Variants in ZDHHC13 observed in about 807,000 individuals in gnomAD.
ZDHHC13 encodes the protein palmitoyltransferase ZDHHC13.
A neutral mutation model predicts 86.0 loss-of-function variants in ZDHHC13; 85 were observed. That is an observed-to-expected ratio of 0.99 (90% CI 0.83 to 1.18). The LOEUF (loss-of-function observed/expected upper bound fraction) is 1.18. ZDHHC13 is among the 50% of genes most tolerant of loss of function. The probability of loss-of-function intolerance (pLI) is 0.00; values close to 1 mark genes in which losing one functional copy is unlikely to be tolerated. For missense variants in ZDHHC13, 711 were observed against 730.2 expected, an observed-to-expected ratio of 0.97 and a Z score of 0.30; for synonymous variants, 263 against 246.4, an observed-to-expected ratio of 1.07 and a Z score of -0.63.
chr11:19,172,419 A>G (rs1850248624), intron 15 of ZDHHC13, among the ~76,000 whole-genome samples: 1 of 152,184 alleles, frequency 6.6e-6, no homozygotes, highest in Non-Finnish European at 1.5e-5. Context: ...AAATAATATG[A>G]TGAGAGTGGT....
chr11:19,144,923 C>G lies in ZDHHC13; in HGVS notation c.174-1258C>G, dbSNP rs150191891. On this transcript the variant is annotated intron_variant, in intron 2 of 16. Coordinates refer to ENST00000446113, the MANE Select transcript of ZDHHC13 (RefSeq NM_019028.3). ...CTGAGGTCAGGACTTCGAGACCAGC[C>G]TGGCTAACGTGGTGAAACCTATTAA... Among the ~76,000 whole-genome samples the G allele has an allele frequency of 6.9e-3, 1,045 of 152,176 alleles. 9 individuals are homozygous for G. The highest frequency in any genetic ancestry group is 0.024 in the African/African-American group (986 of 41,534).
Position 19,161,832 on chromosome 11 carries a change from G to T in ZDHHC13, c.1109-1471G>T, listed in dbSNP as rs151179576. Among the ~76,000 whole-genome samples the T allele has an allele frequency of 5.3e-4, 80 of 152,178 alleles. 1 individual carries two copies. The highest frequency in any genetic ancestry group is 1.9e-3 in the African/African-American group (77 of 41,538). On this transcript the variant is annotated intron_variant, in intron 10 of 16. Coordinates refer to ENST00000446113, the MANE Select transcript of ZDHHC13 (RefSeq NM_019028.3). ...CTGGTCAAGTGCAAAGGAACGAGGC[G>T]CTGTGACTAAATGCTCAGTGTGGCT...
At chr11:19,173,967 T>G (rs1451337603) in intron 16 of ZDHHC13, among the ~76,000 whole-genome samples, 2 of 152,150 alleles carry the variant, frequency 1.3e-5, no homozygotes, top group East Asian at 3.9e-4. Context: ...AGGGAAAACC[T>G]GAGTCCCGCC....
chr11:19,163,366 T>C lies in ZDHHC13; in HGVS notation c.1172T>C (p.Phe391Ser), dbSNP rs745395603. Residue 391 changes from phenylalanine to serine, a missense_variant, in exon 11 of 17, where the codon TTC becomes TCC. Coordinates refer to ENST00000446113, the MANE Select transcript of ZDHHC13 (RefSeq NM_019028.3). Reference protein sequence around the residue: ...IFSIVAFLYFFYKTWATDPGF... With the variant: ...IFSIVAFLYFSYKTWATDPGF... ...AGCATAGTAGCCTTTCTATACTTTT[T>C]CTATAAGACTTGGGCAACTGATCCA... 6.2e-7 allele frequency: 1 copy of C among 1,608,868 alleles called. No homozygotes were observed. Among genetic ancestry groups the C allele is most frequent in the Non-Finnish European group, 8.5e-7 (1 of 1,177,792 alleles).
chr11:19,144,913 C>T (rs558868374), intron 2 of ZDHHC13, among the ~76,000 whole-genome samples: 313 of 152,172 alleles, frequency 2.1e-3, no homozygotes, highest in African/African-American at 7.2e-3. Context: ...GTCAGGACTT[C>T]GAGACCAGCC....
At chr11:19,166,235 G>A (rs1850062343) in intron 13 of ZDHHC13, 67 bp from the exon 14 acceptor site, 4 of 1,276,842 alleles carry the variant, frequency 3.1e-6, no homozygotes, top group African/African-American at 1.5e-5. Flanking sequence ...AAGTGGTTAA[G>A]GAGGTCTTAT....
intron 10 of ZDHHC13, 119 bp from the exon 11 acceptor site, chr11:19,163,184 G>A (rs942326676): frequency 1.4e-5 from 14 of 1,012,384 alleles, no homozygotes; most frequent in Non-Finnish European, 1.9e-5. Flanking sequence ...AGATTTAGGG[G>A]CAGGGACATG....
At chr11:19,167,815 T>G (rs1850112186) in intron 14 of ZDHHC13, 1 of 152,200 alleles carries the variant, frequency 6.6e-6, no homozygotes, top group Admixed American at 6.5e-5. Context: ...TTTTGCTTAT[T>G]TATTAATGTA....
chr11:19,153,563 C>T lies in ZDHHC13; in HGVS notation c.873+879C>T, dbSNP rs545839758. 4.6e-5 allele frequency among the ~76,000 whole-genome samples: 7 copies of T among 152,272 alleles called. No individual in the cohort carries two copies. In the South Asian group the frequency reaches 1.5e-3, roughly 32 times the overall value. On this transcript the variant is annotated intron_variant, in intron 8 of 16. Coordinates refer to ENST00000446113, the MANE Select transcript of ZDHHC13 (RefSeq NM_019028.3). The stretch of plus-strand genomic sequence containing the variant: ...AAAGAAATAGTGGTTATTCCTCAGT[C>T]TCCTTTGCCAGCTCCTCCACTTCTC...
intron 8 of ZDHHC13, 46 bp from the exon 9 acceptor site, chr11:19,155,750 A>T: frequency 6.3e-7 from 1 of 1,593,064 alleles, no homozygotes; most frequent in Non-Finnish European, 8.5e-7. Context: ...TTAGATACTT[A>T]AGAGGTAAAA....
intron 1 of ZDHHC13, among the ~76,000 whole-genome samples, chr11:19,131,251 C>G (rs755028179): frequency 1.2e-3 from 183 of 152,258 alleles, no homozygotes; most frequent in Non-Finnish European, 2.2e-3. Flanking sequence ...AACTCCTGTC[C>G]TCGTGAACTG....
At chr11:19,164,460 C>G in intron 12 of ZDHHC13, 97 bp downstream of exon 12, 2 of 1,192,176 alleles carry the variant, frequency 1.7e-6, no homozygotes, top group Admixed American at 2.1e-5. Context: ...TATATTTATA[C>G]ACCTTTGTTT....
At chr11:19,145,247 C>T (rs1356362187) in intron 2 of ZDHHC13, among the ~76,000 whole-genome samples, 1 of 152,150 alleles carries the variant, frequency 6.6e-6, no homozygotes, top group Non-Finnish European at 1.5e-5. Flanking sequence ...AGTTAAATCT[C>T]TCTCAAGCCC....
intron 11 of ZDHHC13, 97 bp downstream of exon 11, chr11:19,163,524 C>G (rs539613698): frequency 1.6e-6 from 2 of 1,273,710 alleles, no homozygotes; most frequent in African/African-American, 3.1e-5. Context: ...TTTGTTACGG[C>G]TGCATGACAT....
intron 1 of ZDHHC13, among the ~76,000 whole-genome samples, chr11:19,129,161 T>C (rs1848937298): frequency 6.6e-6 from 1 of 152,224 alleles, no homozygotes; most frequent in Non-Finnish European, 1.5e-5. Context: ...TTTTTAAAGA[T>C]TCCTTAGGAT....
intron 14 of ZDHHC13, chr11:19,169,612 C>T: frequency 1.0e-6 from 1 of 985,398 alleles, no homozygotes; most frequent in Non-Finnish European, 1.2e-6. Flanking sequence ...ATAATTCACC[C>T]TTTATGCATG....
chr11:19,117,191 C>T lies in ZDHHC13; in HGVS notation c.-59C>T, dbSNP rs2133346437. The T allele has an allele frequency of 2.0e-6, 3 of 1,523,332 alleles. No individual in the cohort carries two copies. The highest frequency in any genetic ancestry group is 1.8e-6 in the Non-Finnish European group (2 of 1,136,832). 94.4% of individuals were successfully genotyped at this position (1,523,332 alleles called of 1,614,324 possible). ...GAAGAGGCGACCCAAGGCGGGCTGG[C>T]GGGCTGGCGGCAGTCGCTACTTGCC... On this transcript the variant is annotated 5_prime_UTR_variant, in exon 1 of 17. Coordinates refer to ENST00000446113, the MANE Select transcript of ZDHHC13 (RefSeq NM_019028.3). This position sits in a 1 kb window ranked among gnomAD's most constrained non-coding sequence, Gnocchi z 4.2.
At chr11:19,147,772 T>TTCCC (rs1565030953) in intron 4 of ZDHHC13, 99 bp downstream of exon 4, 16 of 385,306 alleles carry the variant, frequency 4.2e-5, no homozygotes, top group Admixed American at 1.8e-4. Flanking sequence ...TGTCTTTTCT[T>TTCCC]CCCCCCCCCC....
In ZDHHC13 at chr11:19,158,931, T is replaced by C; in HGVS notation, c.1008-9T>C. 1.3e-6 allele frequency: 2 copies of C among 1,503,368 alleles called. No individual in the cohort carries two copies. The highest frequency in any genetic ancestry group is 1.8e-6 in the Non-Finnish European group (2 of 1,124,530). 93.1% of individuals were successfully genotyped at this position (1,503,368 alleles called of 1,614,324 possible). ...TACTAATAACTTATATTTATCTTTT[T>C]TCTTTTAGGTTCTTGGTTGGGTATA... is the stretch of plus-strand genomic sequence containing the variant. On this transcript the variant is annotated splice_polypyrimidine_tract_variant and intron_variant, in intron 9 of 16. Transcript: ENST00000446113.
Sources: allele counts gnomAD v4.1 joint callset (sites outside exome capture counted in the v4.1 genomes callset), GRCh38; gene constraint gnomAD v4.1.1; non-coding constraint Gnocchi (gnomAD v3.1); transcripts MANE v1.5; gene names NCBI Gene and HGNC (gene_info 2026-07-23, HGNC 2026-07-21).